The following ATP11B variants were observed in gnomAD, a reference collection of about 807,000 sequenced individuals.
ATP11B encodes phospholipid-transporting ATPase IF.
In ATP11B, 81 loss-of-function variants were observed where a neutral mutation model predicts 157.8. The observed-to-expected ratio is 0.51, with a 90% CI of 0.43 to 0.62. The LOEUF is 0.62. Among genes scored for constraint, ATP11B ranks in the 20% least tolerant of loss-of-function variants. ATP11B has a pLI of 0.00. For missense variants in ATP11B, 1,165 were observed against 1,402.2 expected, an observed-to-expected ratio of 0.83 and a Z score of 2.70; for synonymous variants, 451 against 469.4, an observed-to-expected ratio of 0.96 and a Z score of 0.51.
intron 2 of ATP11B, among the ~76,000 whole-genome samples, chr3:182,824,801 A>AT (rs1248938043): frequency 3.9e-5 from 6 of 152,214 alleles, no homozygotes; most frequent in Non-Finnish European, 8.8e-5. Flanking sequence ...TCCAAAACAG[A>AT]TTACCTGTTA....
At chr3:182,906,192 A>G (rs952821990) in intron 28 of ATP11B, among the ~76,000 whole-genome samples, 2 of 152,190 alleles carry the variant, frequency 1.3e-5, no homozygotes, top group African/African-American at 2.4e-5. Flanking sequence ...CTCACAACCT[A>G]TTGTCTTACA....
intron 25 of ATP11B, among the ~76,000 whole-genome samples, chr3:182,891,382 T>C (rs924665346): frequency 6.6e-6 from 1 of 152,196 alleles, no homozygotes; most frequent in African/African-American, 2.4e-5. Flanking sequence ...ATAAATCACA[T>C]GGTGGCCCTC....
rs150588466 is a variant in ATP11B at position 182,846,325 on chromosome 3, G to T, written c.769+803G>T. On this transcript the variant is annotated intron_variant, in intron 9 of 29. Transcript: ENST00000323116. ...AAAAAAAAAAAACACAAAATAGCAA[G>T]TGTTGGTGAGGATGTGGAGAAATTG... 6.1e-3 allele frequency among the ~76,000 whole-genome samples: 926 copies of T among 151,804 alleles called. 14 individuals are homozygous for T. The highest frequency in any genetic ancestry group is 0.02 in the African/African-American group (839 of 41,434).
intron 11 of ATP11B, among the ~76,000 whole-genome samples, chr3:182,858,269 C>G (rs944497905): frequency 6.6e-6 from 1 of 152,150 alleles, no homozygotes. Context: ...TCAAAGAGGT[C>G]ACAAAATTTT....
At position 182,833,377 on chromosome 3, in the gene ATP11B, G is replaced by A. The variant is rs534744829; in HGVS notation, c.316-2658G>A. Among the ~76,000 whole-genome samples the A allele has an allele frequency of 3.3e-5, 5 of 152,294 alleles. No homozygotes were observed. The South Asian group carries it at 1.0e-3, about 32-fold the overall frequency. ...GTCTCATTCTGTTGTCCAGGCTGGA[G>A]AGCAGTAGTGCAATCAGAGTTCATT... On this transcript the variant is annotated intron_variant, in intron 4 of 29. Transcript: ENST00000323116.
intron 1 of ATP11B, among the ~76,000 whole-genome samples, chr3:182,817,500 C>T (rs1038068264): frequency 2.0e-5 from 3 of 152,120 alleles, no homozygotes; most frequent in Admixed American, 1.3e-4. Flanking sequence ...AGGACAGTCT[C>T]GATCTCCTGA....
In ATP11B at chr3:182,829,675, A is replaced by G. The variant is rs1717981342; in HGVS notation, c.238A>G (p.Met80Val). The stretch of plus-strand genomic sequence containing the variant: ...GTATTCTTTTTTATAAATCTAGCTT[A>G]TGATTGATACACCTACCAGTCCAGT... ...YFLIIFLVQLMIDTPTSPVTS... is the reference protein window; with the variant it reads ...YFLIIFLVQLVIDTPTSPVTS... Residue 80 changes from methionine (M) to valine (V), a missense_variant, in exon 4 of 30, where the codon ATG becomes GTG. Physicochemically the swap from Met to Val is conservative, Grantham distance 21. This residue lies in a region of ATP11B where 91 missense variants were observed against 95.8 expected (regional missense o/e 0.95). Transcript: ENST00000323116. 4 of 1,585,452 alleles carry G rather than the reference A, an allele frequency of 2.5e-6. No individual in the cohort carries two copies. The highest frequency in any genetic ancestry group is 3.5e-6 in the Non-Finnish European group (4 of 1,157,886).
intron 28 of ATP11B, chr3:182,905,711 A>G (rs1447945641): frequency 4.4e-6 from 2 of 449,810 alleles, no homozygotes; most frequent in African/African-American, 4.0e-5. Context: ...GTGAATGCCA[A>G]CTTGTTGCTT....
chr3:182,811,996 G>A lies in ATP11B; in HGVS notation c.28-8264G>A, dbSNP rs887798641. Among the ~76,000 whole-genome samples the A allele has an allele frequency of 5.3e-5, 8 of 152,184 alleles. No individual in the cohort carries two copies. The South Asian group carries it at 1.0e-3, about 20-fold the overall frequency. ...AGGTTTCCAGCGTGTAAAATTAATA[G>A]CACAATTGCATATCTTCCATCCACC... On this transcript the variant is annotated intron_variant, in intron 1 of 29. Coordinates refer to ENST00000323116, the MANE Select transcript of ATP11B (RefSeq NM_014616.3).
intron 10 of ATP11B, among the ~76,000 whole-genome samples, chr3:182,848,819 G>T (rs1006862148): frequency 3.3e-5 from 5 of 151,892 alleles, no homozygotes; most frequent in Non-Finnish European, 7.4e-5. Flanking sequence ...GCAGATAACA[G>T]TTCTAAAACT....
At chr3:182,823,997 T>TCC (rs1300453147) in intron 2 of ATP11B, among the ~76,000 whole-genome samples, 1 of 152,050 alleles carries the variant, frequency 6.6e-6, no homozygotes, top group Non-Finnish European at 1.5e-5. Flanking sequence ...GTCCCCCTCC[T>TCC]CCTCACCCCC....
chr3:182,827,152 A>C (rs971660351), intron 2 of ATP11B, among the ~76,000 whole-genome samples: 2 of 152,202 alleles, frequency 1.3e-5, no homozygotes. Context: ...GAGGATGTAC[A>C]TAAAGTAAAC....
chr3:182,840,626 A>G (rs1260178041), intron 7 of ATP11B, among the ~76,000 whole-genome samples: 1 of 152,162 alleles, frequency 6.6e-6, no homozygotes, highest in Admixed American at 6.6e-5. Flanking sequence ...GATACAGTCC[A>G]TCCTTCCAAT....
chr3:182,885,407 C>G (rs771127847), intron 22 of ATP11B, among the ~76,000 whole-genome samples: 1 of 152,090 alleles, frequency 6.6e-6, no homozygotes. Context: ...CCAGAGTGTA[C>G]TATGTTGCAT....
chr3:182,916,561 T>G (rs1426626363), intron 29 of ATP11B: 12 of 985,220 alleles, frequency 1.2e-5, no homozygotes, highest in Non-Finnish European at 1.4e-5. Flanking sequence ...AGAGCTGGAT[T>G]TTAGCAATAA....
At chr3:182,829,949 A>C (rs1718002886) in intron 4 of ATP11B, 197 bp downstream of exon 4, 2 of 985,192 alleles carry the variant, frequency 2.0e-6, no homozygotes, top group Non-Finnish European at 2.4e-6. Context: ...GGAATGATTA[A>C]CATCGTTAAA....
In ATP11B at chr3:182,913,954, G is replaced by A; in HGVS notation, c.3412G>A (p.Glu1138Lys). The A allele has an allele frequency of 1.2e-6, 2 of 1,614,106 alleles. No homozygotes were observed. The highest frequency in any genetic ancestry group is 1.7e-6 in the Non-Finnish European group (2 of 1,179,970). Reference protein sequence around the residue: ...AACASVGRMLERVIGRCSPTH... With the variant: ...AACASVGRMLKRVIGRCSPTH... The stretch of plus-strand genomic sequence containing the variant: ...GTGTGCATCTGTTGGAAGAATGCTG[G>A]AACGAGTTATAGGAAGATGTAGTCC... Residue 1138 changes from glutamate to lysine, a missense_variant, in exon 29 of 30, where the codon GAA (glutamate) becomes AAA (lysine). Physicochemically the swap from Glu to Lys is moderately conservative, Grantham distance 56. Transcript: ENST00000323116.
intron 10 of ATP11B, among the ~76,000 whole-genome samples, chr3:182,849,132 G>A (rs1464640689): frequency 6.6e-6 from 1 of 152,226 alleles, no homozygotes; most frequent in Non-Finnish European, 1.5e-5. Flanking sequence ...TGAGATGTAA[G>A]CTACAGAATG....
At chr3:182,853,071 TA>T (rs1720101224) in intron 10 of ATP11B, among the ~76,000 whole-genome samples, 1 of 152,178 alleles carries the variant, frequency 6.6e-6, no homozygotes, top group Non-Finnish European at 1.5e-5. Flanking sequence ...TTAAAAGCCA[TA>T]AGTACTAGAA....
Sources: gnomAD v4.1 joint callset for allele counts (sites outside exome capture counted in the v4.1 genomes callset) on GRCh38, gnomAD v4.1.1 for gene constraint, gnomAD v4.1.1 regional missense constraint, MANE v1.5 for transcripts, NCBI Gene and HGNC (gene_info 2026-07-23, HGNC 2026-07-21) for gene names.